REDIC1: variants seen among roughly 807,000 people sequenced by gnomAD.
The protein encoded by REDIC1 is regulator of DNA class I crossover intermediates 1, also known as HEI10 Interacting Protein 1.
At chr12:39,887,924 T>C in the REDIC1 span, among the ~76,000 whole-genome samples, 2 of 152,200 alleles carry the variant, frequency 1.3e-5, no homozygotes, top group African/African-American at 4.8e-5. Flanking sequence ...AATAATCCTT[T>C]TCCTTCTAAT....
chr12:39,788,264 T>A, the REDIC1 span, among the ~76,000 whole-genome samples: 2 of 152,102 alleles, frequency 1.3e-5, no homozygotes, highest in African/African-American at 2.4e-5. Context: ...CAATAATAAC[T>A]AATAATAAAA....
At chr12:39,664,161 G>C in the REDIC1 span, among the ~76,000 whole-genome samples, 1 of 151,492 alleles carries the variant, frequency 6.6e-6, no homozygotes, top group African/African-American at 2.4e-5. Flanking sequence ...TGCCATGTTG[G>C]TGTGCTGCAC....
the REDIC1 span, among the ~76,000 whole-genome samples, chr12:39,807,558 G>C: frequency 6.6e-6 from 1 of 152,140 alleles, no homozygotes; most frequent in Admixed American, 6.6e-5. Flanking sequence ...TATAAGACTT[G>C]ATAAATATCA....
the REDIC1 span, among the ~76,000 whole-genome samples, chr12:39,632,410 A>T: frequency 6.6e-6 from 1 of 152,090 alleles, no homozygotes; most frequent in African/African-American, 2.4e-5. Context: ...AAATAAGTTT[A>T]TTTTTGAAAA....
the REDIC1 span, among the ~76,000 whole-genome samples, chr12:39,740,463 T>A: frequency 6.6e-6 from 1 of 152,222 alleles, no homozygotes; most frequent in African/African-American, 2.4e-5. Context: ...TAATAGGAAA[T>A]AGGCATTTAT....
chr12:39,637,057 C>T, the REDIC1 span, among the ~76,000 whole-genome samples: 32 of 152,066 alleles, frequency 2.1e-4, no homozygotes, highest in Non-Finnish European at 4.4e-4. Flanking sequence ...TCTCCCTCTA[C>T]TCCTTTTTTT....
chr12:39,677,894 C>G, the REDIC1 span, among the ~76,000 whole-genome samples: 1 of 151,994 alleles, frequency 6.6e-6, no homozygotes, highest in East Asian at 1.9e-4. Flanking sequence ...TTGAACTGAA[C>G]AGTTGTAGTG....
chr12:39,717,793 A>G, the REDIC1 span, among the ~76,000 whole-genome samples: 1 of 152,078 alleles, frequency 6.6e-6, no homozygotes, highest in Non-Finnish European at 1.5e-5. Flanking sequence ...CTTCTGCCAG[A>G]TTGTCTAAAG....
At chr12:39,804,115 A>G in the REDIC1 span, among the ~76,000 whole-genome samples, 1 of 152,154 alleles carries the variant, frequency 6.6e-6, no homozygotes, top group Non-Finnish European at 1.5e-5. Context: ...GCAGTTGGTT[A>G]GAGTGGTGGG....
the REDIC1 span, among the ~76,000 whole-genome samples, chr12:39,852,480 T>A: frequency 6.6e-6 from 1 of 152,218 alleles, no homozygotes; most frequent in Non-Finnish European, 1.5e-5. Flanking sequence ...AAAGAGGACT[T>A]GTTCATTGAT....
chr12:39,748,002 G>A, the REDIC1 span, among the ~76,000 whole-genome samples: 73 of 152,286 alleles, frequency 4.8e-4, no homozygotes, highest in African/African-American at 1.5e-3. Flanking sequence ...ATTGAGGCTA[G>A]GAAGAAACTG....
chr12:39,647,865 C>T, the REDIC1 span: 3 of 1,608,258 alleles, frequency 1.9e-6, no homozygotes, highest in East Asian at 2.2e-5. Flanking sequence ...TTCACTCCAT[C>T]ATCTTTTTCA....
At chr12:39,774,710 A>G in the REDIC1 span, among the ~76,000 whole-genome samples, 1 of 152,076 alleles carries the variant, frequency 6.6e-6, no homozygotes, top group Non-Finnish European at 1.5e-5. Flanking sequence ...TGAGACAATT[A>G]AATCATAGAT....
At chr12:39,780,823 C>G in the REDIC1 span, among the ~76,000 whole-genome samples, 1 of 152,164 alleles carries the variant, frequency 6.6e-6, no homozygotes, top group Non-Finnish European at 1.5e-5. Flanking sequence ...ACAGTCATGA[C>G]AGTAAGGAAC....
At chr12:39,677,188 C>T in the REDIC1 span, among the ~76,000 whole-genome samples, 1 of 152,114 alleles carries the variant, frequency 6.6e-6, no homozygotes, top group Admixed American at 6.5e-5. Flanking sequence ...TATCCATTGT[C>T]TTCAAGAGAC....
chr12:39,751,375 T>G, the REDIC1 span, among the ~76,000 whole-genome samples: 1 of 152,188 alleles, frequency 6.6e-6, no homozygotes, highest in Non-Finnish European at 1.5e-5. Context: ...CCAGTTAGAA[T>G]GGCAATTAGT....
chr12:39,774,051 A>C, the REDIC1 span, among the ~76,000 whole-genome samples: 1 of 152,214 alleles, frequency 6.6e-6, no homozygotes, highest in Admixed American at 6.5e-5. Flanking sequence ...TATCCCTCTA[A>C]AAGTTAACCC....
the REDIC1 span, among the ~76,000 whole-genome samples, chr12:39,847,456 A>T: frequency 2.0e-5 from 3 of 152,074 alleles, no homozygotes; most frequent in Non-Finnish European, 4.4e-5. Context: ...ATTGCATGGG[A>T]TTTCAGGAAG....
chr12:39,767,751 G>A, the REDIC1 span, among the ~76,000 whole-genome samples: 6 of 152,040 alleles, frequency 3.9e-5, no homozygotes, highest in South Asian at 4.1e-4. Context: ...ATTGAATCAC[G>A]GGGGTGGTTA....
Sources: gnomAD v4.1 joint callset for allele counts (sites outside exome capture counted in the v4.1 genomes callset) on GRCh38, gnomAD v4.1.1 for gene constraint, MANE v1.5 for transcripts, NCBI Gene and HGNC (gene_info 2026-07-23, HGNC 2026-07-21) for gene names.